Variants in FBXO34 observed in about 807,000 individuals in gnomAD.
The protein encoded by FBXO34 is F-box protein 34, also known as F-box only protein 34.
FBXO34 carries 12 observed loss-of-function variants against 24.5 expected under a neutral mutation model. The ratio of observed to expected loss-of-function variants is 0.49; its 90% CI spans 0.31 to 0.79. FBXO34 has a LOEUF of 0.79. Ranked by LOEUF, FBXO34 falls within the 30% of genes least tolerant of loss-of-function variation. FBXO34 has a pLI of 0.04. For missense variants in FBXO34, 823 were observed against 857.7 expected (o/e 0.96, Z 0.51); for synonymous variants, 320 against 311.9 (o/e 1.03, Z -0.27).
downstream of FBXO34, chr14:55,354,994 C>G (rs954162317): frequency 6.6e-6 from 1 of 152,384 alleles, no homozygotes; most frequent in Non-Finnish European, 1.5e-5. Flanking sequence ...GAAAACCTCC[C>G]CCCTCAGCTT....
At chr14:55,411,672 G>A in the FBXO34 span, 1 of 1,613,414 alleles carries the variant, frequency 6.2e-7, no homozygotes, top group Non-Finnish European at 8.5e-7. Flanking sequence ...GTCAGCCGCC[G>A]GCGGGTAGTG....
the FBXO34 span, among the ~76,000 whole-genome samples, chr14:55,403,161 T>C: frequency 6.6e-6 from 1 of 151,352 alleles, no homozygotes; most frequent in Non-Finnish European, 1.5e-5. Flanking sequence ...AGTTTCCTCA[T>C]TTGTAAAATG....
intron 1 of FBXO34, among the ~76,000 whole-genome samples, chr14:55,303,011 C>G (rs1178795585): frequency 6.6e-6 from 1 of 152,168 alleles, no homozygotes; most frequent in East Asian, 1.9e-4. Context: ...CAAGTCTTGG[C>G]AGCAGTGTTT....
At chr14:55,311,829 G>T (rs576695477) in intron 1 of FBXO34, among the ~76,000 whole-genome samples, 1 of 151,980 alleles carries the variant, frequency 6.6e-6, no homozygotes, top group South Asian at 2.1e-4. Flanking sequence ...CTGGGTTCAA[G>T]AAATTCTCCT....
rs1195521006 is a variant in FBXO34 at position 55,331,834 on chromosome 14, TAAAA to T, written c.-10-18545_-10-18542del. On this transcript the variant is annotated intron_variant, in intron 1 of 1. Transcript: ENST00000313833. ...TATATACACCACCGGGGTGTATATA[TAAAA>T]ATATATATATACACCACCGGGGTGT... Among the ~76,000 whole-genome samples, 2 of 48,642 alleles carry T rather than the reference TAAAA, an allele frequency of 4.1e-5. 1 individual carries two copies. The highest frequency in any genetic ancestry group is 1.9e-4 in the African/African-American group (2 of 10,792). 31.9% of individuals were successfully genotyped at this position (48,642 alleles called of 152,430 possible). A position where few individuals can be genotyped will look rare whatever the true frequency, so the allele number is the denominator to read the frequency against.
chr14:55,351,841 T>A lies in FBXO34; in HGVS notation c.1451T>A (p.Phe484Tyr). The A allele has an allele frequency of 6.2e-7, 1 of 1,614,190 alleles. No homozygotes were observed. The highest frequency in any genetic ancestry group is 8.5e-7 in the Non-Finnish European group (1 of 1,180,028). ...CEDPVPGMLFFLPPGQHLSDY... is the reference protein window; with the variant it reads ...CEDPVPGMLFYLPPGQHLSDY... ...GACCCAGTTCCAGGGATGTTGTTTT[T>A]TTTGCCACCTGGTCAGCACTTGTCA... Residue 484 changes from phenylalanine (F) to tyrosine (Y), a missense_variant, in exon 2 of 2, where the codon TTT becomes TAT. This residue lies in a region of FBXO34 where 693 missense variants were observed against 659.1 expected (regional missense o/e 1.05). Coordinates refer to ENST00000313833, the MANE Select transcript of FBXO34 (RefSeq NM_017943.4).
At chr14:55,310,423 G>C (rs993156087) in intron 1 of FBXO34, among the ~76,000 whole-genome samples, 1 of 152,150 alleles carries the variant, frequency 6.6e-6, no homozygotes, top group Non-Finnish European at 1.5e-5. Flanking sequence ...TGTTAGAGTG[G>C]AAGTGGGGAG....
chr14:55,330,651 A>T (rs2140045418), intron 1 of FBXO34, among the ~76,000 whole-genome samples: 1 of 151,780 alleles, frequency 6.6e-6, no homozygotes, highest in Middle Eastern at 3.4e-3. Context: ...ATTAGCTGGG[A>T]GTGGTGGTAT....
intron 1 of FBXO34, among the ~76,000 whole-genome samples, chr14:55,317,508 A>C (rs1882973917): frequency 6.6e-6 from 1 of 151,880 alleles, no homozygotes; most frequent in Admixed American, 6.6e-5. Context: ...AAACCAAAAA[A>C]CGGTAATAAA....
chr14:55,424,845 G>A, the FBXO34 span, among the ~76,000 whole-genome samples: 5 of 152,110 alleles, frequency 3.3e-5, no homozygotes, highest in African/African-American at 1.2e-4. Flanking sequence ...TCCATGGAGC[G>A]AAAGATGATA....
Position 55,352,739 on chromosome 14 carries a change from C to T in FBXO34, c.*213C>T, listed in dbSNP as rs559347198. The T allele has an allele frequency of 1.2e-4, 60 of 505,220 alleles. No homozygotes were observed. The highest frequency in any genetic ancestry group is 9.0e-4 in the African/African-American group (47 of 52,056). 31.3% of individuals were successfully genotyped at this position (505,220 alleles called of 1,614,324 possible). A position where few individuals can be genotyped will look rare whatever the true frequency, so the allele number is the denominator to read the frequency against. On this transcript the variant is annotated 3_prime_UTR_variant, in exon 2 of 2. Coordinates refer to ENST00000313833, the MANE Select transcript of FBXO34 (RefSeq NM_017943.4). ...TATAGTGGCATCTCATGTTTGAACC[C>T]GGGTGGTATCCCACAGTTGGATTCA... is the stretch of plus-strand genomic sequence containing the variant.
chr14:55,271,705 C>T (rs1881150578), intron 1 of FBXO34, among the ~76,000 whole-genome samples, 168 bp downstream of exon 1: 1 of 150,644 alleles, frequency 6.6e-6, no homozygotes, highest in Non-Finnish European at 1.5e-5. Flanking sequence ...GGGTAGGGAC[C>T]CGGCCGCCTG....
exon 3 of FBXO34, chr14:55,367,272 T>G (rs1884700546): frequency 6.6e-6 from 1 of 152,206 alleles, no homozygotes; most frequent in Non-Finnish European, 1.5e-5. Flanking sequence ...GAGACTAAGC[T>G]CTTACTTCTG....
At chr14:55,315,058 C>G (rs1215075018) in intron 1 of FBXO34, among the ~76,000 whole-genome samples, 1 of 152,128 alleles carries the variant, frequency 6.6e-6, no homozygotes, top group Non-Finnish European at 1.5e-5. Context: ...TTTTTGTCCC[C>G]CCATTTCCCT....
Position 55,352,480 on chromosome 14 carries a change from C to T in FBXO34, c.2090C>T (p.Ala697Val). ...WVPACHSFNR[A>V]IHKKAKGTEA... ...CCTGCCTGCCACAGCTTTAATCGGG[C>T]AATCCATAAGAAAGCAAAAGGGACT... The change falls in exon 2 of 2, where the codon GCA becomes GTA. Residue 697 changes from alanine to valine, a missense_variant. Coordinates refer to ENST00000313833, the MANE Select transcript of FBXO34 (RefSeq NM_017943.4). The T allele has an allele frequency of 1.2e-6, 2 of 1,613,166 alleles. No homozygotes were observed. Among genetic ancestry groups the T allele is most frequent in the Non-Finnish European group, 1.7e-6 (2 of 1,179,514 alleles).
At chr14:55,385,391 C>T in the FBXO34 span, among the ~76,000 whole-genome samples, 1 of 152,130 alleles carries the variant, frequency 6.6e-6, no homozygotes, top group African/African-American at 2.4e-5. Context: ...CTCCTGGGTT[C>T]AAGCAATTCT....
At chr14:55,440,420 G>C in the FBXO34 span, 14 of 1,612,974 alleles carry the variant, frequency 8.7e-6, no homozygotes, top group African/African-American at 1.7e-4. Context: ...GGTCCAGGTA[G>C]AGCTCCAGGT....
At chr14:55,354,882 G>T (rs1884497315), downstream of FBXO34, among the ~76,000 whole-genome samples, 1 of 152,078 alleles carries the variant, frequency 6.6e-6, no homozygotes, top group South Asian at 2.1e-4. Context: ...TTCCTGCATT[G>T]CTGTAGGATC....
the FBXO34 span, chr14:55,414,219 A>C: frequency 5.1e-6 from 3 of 593,858 alleles, no homozygotes; most frequent in East Asian, 8.6e-5. Flanking sequence ...ATTTTGAATA[A>C]GAATTTTTCT....
Sources: gnomAD v4.1 joint callset for allele counts (sites outside exome capture counted in the v4.1 genomes callset) on GRCh38, gnomAD v4.1.1 for gene constraint, gnomAD v4.1.1 regional missense constraint, MANE v1.5 for transcripts, NCBI Gene and HGNC (gene_info 2026-07-23, HGNC 2026-07-21) for gene names.